Variants in PPP1R9A observed in about 807,000 individuals in gnomAD.
PPP1R9A encodes the protein protein phosphatase 1 regulatory subunit 9A.
A neutral mutation model predicts 141.9 loss-of-function variants in PPP1R9A; 59 were observed. That is an observed-to-expected ratio of 0.42 (90% CI 0.34 to 0.52). The LOEUF is 0.52. Ranked by LOEUF, PPP1R9A falls within the 20% of genes least tolerant of loss-of-function variation. PPP1R9A has a pLI of 0.10. For missense variants in PPP1R9A, 1,444 were observed against 1,611.9 expected (o/e 0.90, Z 1.78); for synonymous variants, 500 against 569.7 (o/e 0.88, Z 1.74).
In PPP1R9A at chr7:95,179,695, A is replaced by G. The variant is rs183928732; in HGVS notation, c.1754+17724A>G. On this transcript the variant is annotated intron_variant, in intron 5 of 19. Transcript: ENST00000433360. ...AAGTTTCTGGATACAAAATTAATAT[A>G]CACAAATCACTATCTCTTCTATATA... Among the ~76,000 whole-genome samples, 499 of 151,836 alleles carry G rather than the reference A, an allele frequency of 3.3e-3. 5 individuals carry two copies. Among genetic ancestry groups the G allele is most frequent in the Non-Finnish European group, 4.7e-3 (322 of 67,938 alleles).
chr7:95,198,835 A>G (rs1368943477), intron 6 of PPP1R9A, among the ~76,000 whole-genome samples: 1 of 152,204 alleles, frequency 6.6e-6, no homozygotes, highest in Non-Finnish European at 1.5e-5. Flanking sequence ...ATATTTTTTC[A>G]ATCTTTTCCA....
At chr7:95,083,491 C>T (rs1220044247) in intron 2 of PPP1R9A, among the ~76,000 whole-genome samples, 1 of 151,896 alleles carries the variant, frequency 6.6e-6, no homozygotes. Flanking sequence ...GCTGTTTCCT[C>T]AACTTCCAAG....
chr7:94,948,312 C>T (rs1796105560), intron 2 of PPP1R9A, among the ~76,000 whole-genome samples: 2 of 152,050 alleles, frequency 1.3e-5, no homozygotes, highest in African/African-American at 4.8e-5. Flanking sequence ...ATCTGGCAAA[C>T]TCTAACCACT....
intron 1 of PPP1R9A, among the ~76,000 whole-genome samples, chr7:94,908,795 A>G (rs1791116448): frequency 6.6e-6 from 1 of 151,474 alleles, no homozygotes; most frequent in South Asian, 2.1e-4. Context: ...ACAAAAAAAG[A>G]AAAAAACAGG....
At chr7:95,060,746 G>A (rs1812117329) in intron 2 of PPP1R9A, among the ~76,000 whole-genome samples, 1 of 152,158 alleles carries the variant, frequency 6.6e-6, no homozygotes, top group African/African-American at 2.4e-5. Context: ...GTTGTCAGAG[G>A]GGTGGGCAGT....
chr7:95,025,718 A>G (rs980707817), intron 2 of PPP1R9A, among the ~76,000 whole-genome samples: 6 of 152,124 alleles, frequency 3.9e-5, no homozygotes, highest in Non-Finnish European at 8.8e-5. Context: ...CCAATCAACC[A>G]TAGATTTGGT....
chr7:95,233,806 A>C (rs548787822), intron 8 of PPP1R9A, among the ~76,000 whole-genome samples: 60 of 152,332 alleles, frequency 3.9e-4, no homozygotes, highest in Admixed American at 3.0e-3. Context: ...TGAATCCAAC[A>C]GTATATCAAA....
At chr7:94,967,726 G>T (rs937726055) in intron 2 of PPP1R9A, among the ~76,000 whole-genome samples, 3 of 151,872 alleles carry the variant, frequency 2.0e-5, no homozygotes, top group Non-Finnish European at 4.4e-5. Flanking sequence ...GCTCTTGAGT[G>T]AGTTTCTTAA....
intron 4 of PPP1R9A, among the ~76,000 whole-genome samples, chr7:95,132,845 A>G (rs756431560): frequency 3.3e-5 from 5 of 152,192 alleles, no homozygotes; most frequent in Non-Finnish European, 7.3e-5. Context: ...GGTGACACCC[A>G]GAAACTCAGA....
In PPP1R9A at chr7:95,210,677, A is replaced by G. The variant is rs185161399; in HGVS notation, c.1956+6947A>G. On this transcript the variant is annotated intron_variant, in intron 7 of 19. Coordinates refer to ENST00000433360, the MANE Select transcript of PPP1R9A (RefSeq NM_001166160.2). ...TACCCAAAGGATTATAAATCATTCT[A>G]CTGTAAAGACACATGCACACGTATG... Among the ~76,000 whole-genome samples, 7 of 152,272 alleles carry G rather than the reference A, an allele frequency of 4.6e-5. No homozygotes were observed. In the East Asian group the frequency reaches 9.7e-4, roughly 21 times the overall value.
At chr7:95,193,120 T>C (rs544243524) in intron 5 of PPP1R9A, among the ~76,000 whole-genome samples, 1 of 152,260 alleles carries the variant, frequency 6.6e-6, no homozygotes, top group Admixed American at 6.5e-5. Flanking sequence ...TGTTGTTTGG[T>C]TCCACTTCTG....
chr7:95,232,353 C>T (rs767483275), intron 8 of PPP1R9A, among the ~76,000 whole-genome samples: 117 of 152,250 alleles, frequency 7.7e-4, no homozygotes, highest in Middle Eastern at 3.4e-3. Flanking sequence ...CTTCCTTACA[C>T]CTTATACAAA....
intron 2 of PPP1R9A, among the ~76,000 whole-genome samples, chr7:95,064,942 A>G (rs1812749645): frequency 6.6e-6 from 1 of 152,232 alleles, no homozygotes; most frequent in African/African-American, 2.4e-5. Context: ...CTTCAGGTAC[A>G]TAATTAATTT....
At chr7:94,933,858 T>C (rs1794454107) in intron 2 of PPP1R9A, among the ~76,000 whole-genome samples, 1 of 152,126 alleles carries the variant, frequency 6.6e-6, no homozygotes. Context: ...GGTTTTAGAA[T>C]AGGCCCTTCA....
At position 95,290,401 on chromosome 7, in the gene PPP1R9A, A is replaced by C; in HGVS notation, c.*98A>C. On this transcript the variant is annotated 3_prime_UTR_variant, in exon 20 of 20. Coordinates refer to ENST00000433360, the MANE Select transcript of PPP1R9A (RefSeq NM_001166160.2). ...GAGGATGAAAAAGAAACTAAATGAT[A>C]AGGGTAATGCGGCTCTAGGCCGGCT... The C allele has an allele frequency of 7.5e-7, 1 of 1,332,352 alleles. No homozygotes were observed. The highest frequency in any genetic ancestry group is 1.0e-6 in the Non-Finnish European group (1 of 985,748). 82.5% of individuals were successfully genotyped at this position (1,332,352 alleles called of 1,614,324 possible). A position where few individuals can be genotyped will look rare whatever the true frequency, so the allele number is the denominator to read the frequency against.
chr7:95,141,781 T>A (rs1826745817), intron 4 of PPP1R9A, among the ~76,000 whole-genome samples: 1 of 152,192 alleles, frequency 6.6e-6, no homozygotes, highest in South Asian at 2.1e-4. Context: ...TATTAGTTGA[T>A]GGATATTTGG....
intron 12 of PPP1R9A, among the ~76,000 whole-genome samples, chr7:95,265,299 AG>A (rs1328019148): frequency 6.6e-6 from 1 of 152,192 alleles, no homozygotes; most frequent in Non-Finnish European, 1.5e-5. Context: ...GAAGGAGAAT[AG>A]GCTTCTGAAG....
intron 2 of PPP1R9A, among the ~76,000 whole-genome samples, chr7:95,107,385 A>T (rs1220500819): frequency 6.6e-6 from 1 of 152,036 alleles, no homozygotes; most frequent in Non-Finnish European, 1.5e-5. Context: ...ATTGCCTAGA[A>T]GTTTTTGGGC....
At chr7:95,150,792 C>T (rs542799099) in intron 4 of PPP1R9A, among the ~76,000 whole-genome samples, 39 of 152,150 alleles carry the variant, frequency 2.6e-4, no homozygotes, top group Admixed American at 4.6e-4. Context: ...TTAAAGTATA[C>T]GAAAAGCTCT....
Sources: gnomAD v4.1 joint callset for allele counts (sites outside exome capture counted in the v4.1 genomes callset) on GRCh38, gnomAD v4.1.1 for gene constraint, MANE v1.5 for transcripts, NCBI Gene and HGNC (gene_info 2026-07-23, HGNC 2026-07-21) for gene names.